FAM120C: variants seen among roughly 807,000 people sequenced by gnomAD.
FAM120C encodes constitutive coactivator of PPAR-gamma-like protein 2.
Under a neutral mutation model 71.2 loss-of-function variants are expected in FAM120C, and 14 were observed. The observed-to-expected ratio is 0.20, with a 90% CI of 0.13 to 0.31. The LOEUF (loss-of-function observed/expected upper bound fraction) is 0.31. FAM120C is among the 10% of genes least tolerant of loss of function. The probability of loss-of-function intolerance (pLI) is 1.00; values close to 1 mark genes in which losing one functional copy is unlikely to be tolerated. For missense variants in FAM120C, 500 were observed against 879.0 expected (o/e 0.57, Z 5.45); for synonymous variants, 354 against 353.2 (o/e 1.00, Z -0.03).
intron 9 of FAM120C, among the ~76,000 whole-genome samples, chrX:54,117,473 T>A (rs782790930): frequency 9.4e-6 from 1 of 106,494 alleles, no homozygotes; most frequent in South Asian, 4.0e-4. Context: ...CTGAGGTAGA[T>A]CACTTGAGGT....
At chrX:54,105,696 A>G (rs1329445663) in intron 10 of FAM120C, among the ~76,000 whole-genome samples, 1 of 112,289 alleles carries the variant, frequency 8.9e-6, no homozygotes, top group Non-Finnish European at 1.9e-5. Context: ...TAAGCTGATA[A>G]GCAACTTCAG....
chrX:54,174,417 T>C (rs2067305239), intron 1 of FAM120C, among the ~76,000 whole-genome samples: 1 of 111,467 alleles, frequency 9.0e-6, no homozygotes, highest in Non-Finnish European at 1.9e-5. Context: ...CACTTCATCA[T>C]TGTGGCAGGG....
rs781870495 is a variant in FAM120C at position 54,073,046 on chromosome X, C to T, written c.3278G>A (p.Arg1093Gln). 6.6e-6 allele frequency: 8 copies of T among 1,203,509 alleles called. No homozygotes were observed. The highest frequency in any genetic ancestry group is 9.0e-6 in the Non-Finnish European group (8 of 890,600). Reference protein sequence around the residue: ...QEQKLETVAQRKED With the variant: ...QEQKLETVAQQKED The stretch of plus-strand genomic sequence containing the variant: ...ATCTTCAGCTTATCAGTCCTCTTTC[C>T]GTTGTGCCACAGTTTCTAGCTTTTG... Residue 1093 changes from arginine (R) to glutamine (Q), a missense_variant, in exon 16 of 16, where the codon CGG (arginine) becomes CAG (glutamine). Physicochemically the swap from Arg to Gln is conservative, Grantham distance 43. This residue lies in a region of FAM120C where 85 missense variants were observed against 96.1 expected (regional missense o/e 0.88). Transcript: ENST00000375180.
chrX:54,137,365 T>G (rs1038704858), intron 4 of FAM120C, among the ~76,000 whole-genome samples: 34 of 112,352 alleles, frequency 3.0e-4, no homozygotes, highest in African/African-American at 1.1e-3. Flanking sequence ...GTGGCTGGCT[T>G]ACAGTATTAT....
chrX:54,148,642 G>C (rs1370926494), intron 4 of FAM120C, among the ~76,000 whole-genome samples: 1 of 111,631 alleles, frequency 9.0e-6, no homozygotes, highest in East Asian at 2.8e-4. Flanking sequence ...GTGAGACTGT[G>C]TCTCAAAAAG....
chrX:54,116,892 T>C lies in FAM120C; in HGVS notation c.2063-98A>G, dbSNP rs142818802. 3,065 of 978,335 alleles carry C rather than the reference T, an allele frequency of 3.1e-3. 45 individuals are homozygous for C. The African/African-American group carries it at 0.047, about 15-fold the overall frequency. The allele number at this position is 978,335 out of a possible 1,213,427, so 80.6% of individuals were successfully genotyped here. ...TTGACAGGCTCCATTGCATTTCAAC[T>C]CTTAATTTTCTGTCACAATAATTTT... On this transcript the variant is annotated intron_variant, in intron 9 of 15. Transcript: ENST00000375180.
chrX:54,107,818 G>A (rs2066915037), intron 10 of FAM120C, among the ~76,000 whole-genome samples: 2 of 101,389 alleles, frequency 2.0e-5, no homozygotes, highest in African/African-American at 7.3e-5. Context: ...CATGGTGCTC[G>A]GCCTCATTAT....
intron 1 of FAM120C, chrX:54,171,450 C>T (rs1174203412): frequency 8.9e-6 from 1 of 112,138 alleles, no homozygotes; most frequent in Non-Finnish European, 1.9e-5. Context: ...TTTATTTAAG[C>T]TGTGGGTGTT....
At chrX:54,133,344 A>T (rs2067077906) in intron 8 of FAM120C, among the ~76,000 whole-genome samples, 1 of 111,968 alleles carries the variant, frequency 8.9e-6, no homozygotes, top group Non-Finnish European at 1.9e-5. Context: ...AATAAAATAA[A>T]ATAAAGTCTC....
intron 10 of FAM120C, among the ~76,000 whole-genome samples, chrX:54,105,756 T>C (rs782521090): frequency 1.1e-4 from 12 of 111,515 alleles, no homozygotes; most frequent in African/African-American, 3.9e-4. Context: ...AGCATTCCTA[T>C]ACACCAATAA....
intron 1 of FAM120C, among the ~76,000 whole-genome samples, chrX:54,160,220 C>G (rs147603513): frequency 0.03 from 3,361 of 111,350 alleles, 131 homozygotes; most frequent in African/African-American, 0.1. Context: ...GGATGAAAAA[C>G]TTAGACGTAG....
chrX:54,071,982 GTGTATATATATA>G lies in FAM120C; in HGVS notation c.*1039_*1050del, dbSNP rs2066711276. The G allele has an allele frequency of 9.9e-6, 1 of 101,518 alleles. No homozygotes were observed. Among genetic ancestry groups the G allele is most frequent in the Non-Finnish European group, 2.0e-5 (1 of 50,117 alleles). 8.4% of individuals were successfully genotyped at this position (101,518 alleles called of 1,213,427 possible). A position where few individuals can be genotyped will look rare whatever the true frequency, so the allele number is the denominator to read the frequency against. Reference sequence around the variant, plus strand: ...TATGTATGTATGTGTGTATATATGTGTGTATATATATATACACACATATATACACACATACAC... The same window carrying G: ...TATGTATGTATGTGTGTATATATGTGTACACACATATATACACACATACAC... On this transcript the variant is annotated 3_prime_UTR_variant, in exon 16 of 16. Transcript: ENST00000375180.
intron 10 of FAM120C, among the ~76,000 whole-genome samples, chrX:54,095,870 G>A (rs1557123208): frequency 9.2e-6 from 1 of 109,009 alleles, no homozygotes; most frequent in Non-Finnish European, 1.9e-5. Context: ...TGGTCAGACT[G>A]GTCTCGATCT....
At chrX:54,130,846 T>C (rs1471960674) in intron 9 of FAM120C, among the ~76,000 whole-genome samples, 1 of 111,763 alleles carries the variant, frequency 8.9e-6, no homozygotes, top group Non-Finnish European at 1.9e-5. Flanking sequence ...CCAGAGAAAG[T>C]AGGTTTTGTG....
intron 3 of FAM120C, among the ~76,000 whole-genome samples, chrX:54,156,838 G>T: frequency 1.0e-5 from 1 of 96,423 alleles, no homozygotes. Context: ...AGTGAGCTGA[G>T]ATTGCAACAC....
chrX:54,081,244 A>G (rs1446939647), intron 14 of FAM120C, 78 bp downstream of exon 14: 1 of 1,010,934 alleles, frequency 9.9e-7, no homozygotes, highest in Non-Finnish European at 1.3e-6. Flanking sequence ...GAAGGATTTA[A>G]TACCTAGGCA....
At chrX:54,075,517 G>A (rs2066730277) in intron 15 of FAM120C, among the ~76,000 whole-genome samples, 2 of 112,010 alleles carry the variant, frequency 1.8e-5, no homozygotes, top group South Asian at 3.6e-4. Context: ...AAGAACAGGC[G>A]GCCAGGCGCT....
At chrX:54,155,937 T>A (rs893212517) in intron 3 of FAM120C, among the ~76,000 whole-genome samples, 25 of 110,782 alleles carry the variant, frequency 2.3e-4, no homozygotes, top group South Asian at 3.8e-4. Flanking sequence ...TTAAAAAAAA[T>A]TTTTTTAAAT....
intron 8 of FAM120C, 64 bp downstream of exon 8, chrX:54,133,709 A>G (rs1016278675): frequency 1.8e-5 from 19 of 1,082,313 alleles, no homozygotes; most frequent in Non-Finnish European, 2.4e-5. Flanking sequence ...TGTAACTTAC[A>G]GTCCTAGGAA....
Sources: allele counts gnomAD v4.1 joint callset (sites outside exome capture counted in the v4.1 genomes callset), GRCh38; gene constraint gnomAD v4.1.1; regional missense constraint gnomAD v4.1.1; transcripts MANE v1.5; gene names NCBI Gene and HGNC (gene_info 2026-07-23, HGNC 2026-07-21).